BCAR1: variants seen among roughly 807,000 people sequenced by gnomAD.
BCAR1 encodes BCAR1 scaffold protein, Cas family member, also known as breast cancer anti-estrogen resistance protein 1.
Under a neutral mutation model 67.6 loss-of-function variants are expected in BCAR1, and 30 were observed. That is an observed-to-expected ratio of 0.44 (90% CI 0.33 to 0.60). The LOEUF (loss-of-function observed/expected upper bound fraction) is 0.60. BCAR1 is among the 20% of genes least tolerant of loss of function. The pLI is 0.02. For missense variants in BCAR1, 1,313 were observed against 1,222.3 expected (o/e 1.07, Z -1.11); for synonymous variants, 626 against 556.7 (o/e 1.12, Z -1.75).
intron 2 of BCAR1, among the ~76,000 whole-genome samples, chr16:75,240,306 G>A (rs1473310496): frequency 6.6e-6 from 1 of 152,196 alleles, no homozygotes; most frequent in Non-Finnish European, 1.5e-5. Flanking sequence ...GCAGGCCTGA[G>A]GCTTGGAGGG....
At chr16:75,265,961 C>T (rs1383098092) in intron 1 of BCAR1, 24 of 1,071,606 alleles carry the variant, frequency 2.2e-5, no homozygotes, top group Non-Finnish European at 2.6e-5. Context: ...GGCTCCTGAG[C>T]GTTCCCGGAC....
chr16:75,256,672 G>A (rs917905284), intron 1 of BCAR1, among the ~76,000 whole-genome samples: 2 of 152,324 alleles, frequency 1.3e-5, no homozygotes, highest in African/African-American at 2.4e-5. Flanking sequence ...GGCCCCTGCC[G>A]TAGGTGCCTG....
intron 6 of BCAR1, among the ~76,000 whole-genome samples, chr16:75,230,806 C>G (rs1015687873): frequency 3.9e-5 from 6 of 152,230 alleles, no homozygotes; most frequent in African/African-American, 1.4e-4. Flanking sequence ...CTCGCACTGT[C>G]CCCCTTAGGC....
chr16:75,265,910 C>G (rs970304475), intron 1 of BCAR1: 35 of 1,116,244 alleles, frequency 3.1e-5, no homozygotes, highest in Non-Finnish European at 3.7e-5. Flanking sequence ...CCGCGCCGCT[C>G]AGAGGCCCCG....
Position 75,266,966 on chromosome 16 carries a change from G to A in BCAR1, c.66+949C>T, listed in dbSNP as rs543301595. On this transcript the variant is annotated intron_variant, in intron 1 of 6. Transcript: ENST00000393422. ...GTGTGGGTGCCCATGTGGGGGGCGGGCCCTTCTGCCTGCCAGGGATGCTGT... is the reference window on the plus strand; with the variant it reads ...GTGTGGGTGCCCATGTGGGGGGCGGACCCTTCTGCCTGCCAGGGATGCTGT... Among the ~76,000 whole-genome samples, 4 of 152,338 alleles carry A rather than the reference G, an allele frequency of 2.6e-5. No homozygotes were observed. The East Asian group carries it at 5.8e-4, about 22-fold the overall frequency.
chr16:75,231,181 C>T lies in BCAR1; in HGVS notation c.2101-1158G>A, dbSNP rs185924960. On this transcript the variant is annotated intron_variant, in intron 6 of 6. Transcript: ENST00000162330. ...GCACGATCTCGGCTCGCTGCAACCTCTGCCTCCTGGGTTCAAGCGATTCTC... is the reference window on the plus strand; with the variant it reads ...GCACGATCTCGGCTCGCTGCAACCTTTGCCTCCTGGGTTCAAGCGATTCTC... 7.0e-3 allele frequency among the ~76,000 whole-genome samples: 1,066 copies of T among 151,522 alleles called. 10 individuals carry two copies. Among genetic ancestry groups the T allele is most frequent in the African/African-American group, 0.025 (1,014 of 41,234 alleles).
At chr16:75,230,479 A>C (rs1330310024) in intron 6 of BCAR1, among the ~76,000 whole-genome samples, 3 of 152,206 alleles carry the variant, frequency 2.0e-5, no homozygotes, top group African/African-American at 7.2e-5. Flanking sequence ...CTTAGTTCAA[A>C]AGTAACATAC....
In BCAR1 at chr16:75,235,566, C is replaced by T; in HGVS notation, c.1333G>A (p.Glu445Lys). The T allele has an allele frequency of 6.3e-7, 1 of 1,596,486 alleles. No homozygotes were observed. Among genetic ancestry groups the T allele is most frequent in the Non-Finnish European group, 8.5e-7 (1 of 1,172,064 alleles). Reference sequence around the variant, plus strand: ...GGTTCCCGGCCCGGCCCTGCCACCTCCAAGGAGGACGCAGACTGGCTGCTG... The same window carrying T: ...GGTTCCCGGCCCGGCCCTGCCACCTTCAAGGAGGACGCAGACTGGCTGCTG... Reference protein sequence around the residue: ...TRSSQSASSLEVAGPGREPLE... With the variant: ...TRSSQSASSLKVAGPGREPLE... The change falls in exon 5 of 7, where the codon GAG becomes AAG. Residue 445 changes from glutamate (E) to lysine (K), a missense_variant. By Grantham distance (56) the Glu-to-Lys change is moderately conservative (BLOSUM62 1). Transcript: ENST00000162330.
chr16:75,262,243 AC>A (rs2077920479), intron 1 of BCAR1, among the ~76,000 whole-genome samples: 1 of 152,176 alleles, frequency 6.6e-6, no homozygotes, highest in Non-Finnish European at 1.5e-5. Flanking sequence ...TGGGGGCTCC[AC>A]GGTACTCCTG....
chr16:75,233,909 C>G lies in BCAR1; in HGVS notation c.2037G>C (p.Gln679His). 3 of 1,610,140 alleles carry G rather than the reference C, an allele frequency of 1.9e-6. No homozygotes were observed. Among genetic ancestry groups the G allele is most frequent in the Non-Finnish European group, 2.5e-6 (3 of 1,178,362 alleles). Residue 679 changes from glutamine to histidine, a missense_variant, in exon 6 of 7, where the codon CAG (glutamine) becomes CAC (histidine). By Grantham distance (24) the Gln-to-His change is conservative. This residue lies in a region of BCAR1 where 1,272 missense variants were observed against 1,137.5 expected (regional missense o/e 1.12). Coordinates refer to ENST00000162330, the MANE Select transcript of BCAR1 (RefSeq NM_014567.5). ...LQGKEEFEKT[Q>H]KELLEKGSIT... Reference sequence around the variant, plus strand: ...TGCTGCCCTTTTCCAGCAGCTCCTTCTGGGTCTTCTCAAACTCCTCCTTCC... The same window carrying G: ...TGCTGCCCTTTTCCAGCAGCTCCTTGTGGGTCTTCTCAAACTCCTCCTTCC...
upstream of BCAR1, among the ~76,000 whole-genome samples, chr16:75,253,594 AACAGGCTCCGAC>A (rs963722293): frequency 1.3e-5 from 2 of 152,084 alleles, no homozygotes; most frequent in Admixed American, 6.5e-5. Flanking sequence ...CAGCAAGGGA[AACAGGCTCCGAC>A]ACAGGCATTT....
At chr16:75,245,961 G>GTTTTTTTTTTT (rs1405738465) in intron 1 of BCAR1, 4 of 27,006 alleles carry the variant, frequency 1.5e-4, no homozygotes, top group Non-Finnish European at 2.7e-4. Flanking sequence ...TCATAGGATT[G>GTTTTTTTTTTT]TTCTTTTTTT....
chr16:75,265,181 G>C (rs375708175), intron 1 of BCAR1: 1 of 152,454 alleles, frequency 6.6e-6, no homozygotes, highest in African/African-American at 2.4e-5. Context: ...GGGCCCCGGG[G>C]GTTCCGCAGC....
chr16:75,250,767 T>C (rs2077656481), intron 1 of BCAR1: 2 of 985,436 alleles, frequency 2.0e-6, no homozygotes, highest in African/African-American at 1.7e-5. Context: ...AGCCTTCATG[T>C]CCACACTGCA....
chr16:75,259,964 C>T (rs1237689545), intron 1 of BCAR1, among the ~76,000 whole-genome samples: 1 of 151,778 alleles, frequency 6.6e-6, no homozygotes, highest in African/African-American at 2.4e-5. Flanking sequence ...GAGGCCAAGG[C>T]GGGTGGATCA....
intron 1 of BCAR1, chr16:75,263,695 C>A (rs2077951350): frequency 1.8e-5 from 18 of 985,508 alleles, no homozygotes; most frequent in Non-Finnish European, 2.2e-5. Flanking sequence ...GGCCAAAGTG[C>A]CTGCTGCGTC....
rs562718190 is a variant in BCAR1 at position 75,266,065 on chromosome 16, G to C, written c.66+1850C>G. ...GCGGCCAGGGACGCGTTAAAGGTGA[G>C]GACCCCGGACCTAGGCCTTTTTCTG... is the stretch of plus-strand genomic sequence containing the variant. On this transcript the variant is annotated intron_variant, in intron 1 of 6. Coordinates refer to the BCAR1 transcript ENST00000393422. 12 of 1,017,704 alleles carry C rather than the reference G, an allele frequency of 1.2e-5. No individual in the cohort carries two copies. The South Asian group carries it at 5.1e-4, about 43-fold the overall frequency. The allele number at this position is 1,017,704 out of a possible 1,614,324, so 63.0% of individuals were successfully genotyped here.
Position 75,242,963 on chromosome 16 carries a change from G to C in BCAR1, c.140C>G (p.Ser47Trp). 1 of 1,613,320 alleles carries C rather than the reference G, an allele frequency of 6.2e-7. No individual in the cohort carries two copies. The highest frequency in any genetic ancestry group is 1.1e-5 in the South Asian group (1 of 91,062). The change falls in exon 2 of 7, where the codon TCG (serine) becomes TGG (tryptophan). Residue 47 changes from serine (S) to tryptophan (W), a missense_variant. Ser to Trp is a radical substitution (Grantham distance 177). Transcript: ENST00000162330. Reference protein sequence around the residue: ...TQGLDGWWLCSLHGRQGIVPG... With the variant: ...TQGLDGWWLCWLHGRQGIVPG... The stretch of plus-strand genomic sequence containing the variant: ...CACGATGCCCTGGCGCCCATGCAGC[G>C]AGCAGAGCCACCAGCCGTCCAGGCC...
In BCAR1 at chr16:75,229,123, T is replaced by A. The variant is rs571366646; in HGVS notation, c.*388A>T. On this transcript the variant is annotated 3_prime_UTR_variant, in exon 7 of 7. Coordinates refer to ENST00000162330, the MANE Select transcript of BCAR1 (RefSeq NM_014567.5). Reference sequence around the variant, plus strand: ...AAAATAGTTCTTCAGGTTCTTCTCCTGGTAAGGCGGAGGACACACCAAACT... The same window carrying A: ...AAAATAGTTCTTCAGGTTCTTCTCCAGGTAAGGCGGAGGACACACCAAACT... 5.9e-4 allele frequency: 118 copies of A among 200,870 alleles called. 1 individual carries two copies. The South Asian group carries it at 7.0e-3, about 12-fold the overall frequency. The allele number at this position is 200,870 out of a possible 1,614,324, so 12.4% of individuals were successfully genotyped here.
Sources: allele counts gnomAD v4.1 joint callset (sites outside exome capture counted in the v4.1 genomes callset), GRCh38; gene constraint gnomAD v4.1.1; regional missense constraint gnomAD v4.1.1; transcripts MANE v1.5; gene names NCBI Gene and HGNC (gene_info 2026-07-23, HGNC 2026-07-21).